The following ADGB variants were observed in gnomAD, a reference collection of about 807,000 sequenced individuals.
The protein encoded by ADGB is androglobin, also known as calpain-7-like protein.
A neutral mutation model predicts 210.5 loss-of-function variants in ADGB; 172 were observed. That is an observed-to-expected ratio of 0.82 (90% CI 0.72 to 0.93). ADGB has a LOEUF of 0.93. ADGB is among the 40% of genes least tolerant of loss of function. The pLI is 0.00. For missense variants in ADGB, 2,025 were observed against 1,964.8 expected, an observed-to-expected ratio of 1.03 and a Z score of -0.58; for synonymous variants, 658 against 662.7, an observed-to-expected ratio of 0.99 and a Z score of 0.11.
chr6:146,648,523 C>A (rs1775654043), intron 3 of ADGB, among the ~76,000 whole-genome samples: 1 of 152,028 alleles, frequency 6.6e-6, no homozygotes, highest in Admixed American at 6.6e-5. Flanking sequence ...GCAAGCACTT[C>A]TTCACATGGT....
intron 12 of ADGB, among the ~76,000 whole-genome samples, chr6:146,693,245 G>T (rs780209852): frequency 6.6e-6 from 1 of 152,134 alleles, no homozygotes; most frequent in Non-Finnish European, 1.5e-5. Context: ...CAATTAAGGT[G>T]AAATGAGTGA....
intron 33 of ADGB, among the ~76,000 whole-genome samples, chr6:146,798,035 A>T (rs1193830059): frequency 6.6e-6 from 1 of 152,098 alleles, no homozygotes; most frequent in Non-Finnish European, 1.5e-5. Context: ...AAAAAATTTT[A>T]ATGAGACAGA....
At chr6:146,634,892 TC>T (rs1775388899) in intron 1 of ADGB, among the ~76,000 whole-genome samples, 1 of 152,006 alleles carries the variant, frequency 6.6e-6, no homozygotes, top group Admixed American at 6.6e-5. Context: ...TCTTATACAA[TC>T]CTTAAATTAG....
At chr6:146,754,384 A>G (rs1777371797) in intron 27 of ADGB, among the ~76,000 whole-genome samples, 1 of 151,620 alleles carries the variant, frequency 6.6e-6, no homozygotes, top group Non-Finnish European at 1.5e-5. Flanking sequence ...CTTTGTCAAT[A>G]TTTATATTTA....
intron 2 of ADGB, among the ~76,000 whole-genome samples, chr6:146,643,972 A>C (rs760776224): frequency 6.6e-6 from 1 of 151,946 alleles, no homozygotes; most frequent in Admixed American, 6.6e-5. Context: ...TGAATGTTAT[A>C]TAGACATTCA....
At chr6:146,752,970 AT>A (rs1443481881) in intron 27 of ADGB, among the ~76,000 whole-genome samples, 23 of 152,048 alleles carry the variant, frequency 1.5e-4, no homozygotes, top group Non-Finnish European at 3.4e-4. Flanking sequence ...AAGAAGTCAA[AT>A]TTTTATTATT....
chr6:146,692,131 T>A (rs568727844), intron 11 of ADGB, among the ~76,000 whole-genome samples: 2 of 152,314 alleles, frequency 1.3e-5, no homozygotes, highest in Admixed American at 6.5e-5. Flanking sequence ...AGTGAACATG[T>A]AGGTAATTTC....
intron 25 of ADGB, among the ~76,000 whole-genome samples, chr6:146,744,789 A>G (rs1777206471): frequency 6.6e-6 from 1 of 152,162 alleles, no homozygotes; most frequent in African/African-American, 2.4e-5. Context: ...CTATAATCCT[A>G]TCACTGATTT....
At chr6:146,778,947 T>C (rs796787556) in intron 29 of ADGB, among the ~76,000 whole-genome samples, 8 of 151,730 alleles carry the variant, frequency 5.3e-5, no homozygotes, top group African/African-American at 1.5e-4. Context: ...TGGAAACTTA[T>C]AAAAGTCTGC....
At chr6:146,689,408 A>T (rs1053011057) in intron 10 of ADGB, among the ~76,000 whole-genome samples, 1 of 152,136 alleles carries the variant, frequency 6.6e-6, no homozygotes, top group Non-Finnish European at 1.5e-5. Flanking sequence ...GAATTGCTGT[A>T]TTTAAATTTC....
intron 33 of ADGB, among the ~76,000 whole-genome samples, chr6:146,793,828 C>T (rs1179911800): frequency 6.6e-6 from 1 of 152,166 alleles, no homozygotes; most frequent in Non-Finnish European, 1.5e-5. Flanking sequence ...AACACTCTTC[C>T]CCTAAGAAGG....
intron 4 of ADGB, among the ~76,000 whole-genome samples, chr6:146,656,073 C>A (rs924614293): frequency 3.9e-5 from 6 of 152,140 alleles, no homozygotes; most frequent in Admixed American, 3.3e-4. Flanking sequence ...TATCTACATT[C>A]TACAATGAAG....
intron 28 of ADGB, among the ~76,000 whole-genome samples, chr6:146,766,468 A>T (rs1313084653): frequency 6.6e-6 from 1 of 151,104 alleles, no homozygotes; most frequent in Non-Finnish European, 1.5e-5. Flanking sequence ...ATTAAATTAA[A>T]TTAAACTAAA....
At position 146,674,142 on chromosome 6, in the gene ADGB, A is replaced by G. The variant is rs201227475; in HGVS notation, c.1087+1675A>G. Reference sequence around the variant, plus strand: ...TGAAAATTTAAATTTCTCAATTACAATTTGTGATATGGAGGTCATTGTGCA... The same window carrying G: ...TGAAAATTTAAATTTCTCAATTACAGTTTGTGATATGGAGGTCATTGTGCA... On this transcript the variant is annotated intron_variant, in intron 8 of 35. Transcript: ENST00000397944. Among the ~76,000 whole-genome samples, 4 of 152,124 alleles carry G rather than the reference A, an allele frequency of 2.6e-5. No homozygotes were observed. The East Asian group carries it at 5.8e-4, about 22-fold the overall frequency.
chr6:146,629,088 A>G (rs530112053), intron 1 of ADGB, among the ~76,000 whole-genome samples: 7 of 152,198 alleles, frequency 4.6e-5, no homozygotes, highest in African/African-American at 1.4e-4. Flanking sequence ...TTATAAAAGT[A>G]TAGGGTTAAA....
chr6:146,600,186 C>T (rs1433271438), intron 1 of ADGB: 1 of 152,104 alleles, frequency 6.6e-6, no homozygotes, highest in Non-Finnish European at 1.5e-5. Context: ...CTTTTACTAG[C>T]TTAAATTTTA....
At chr6:146,664,493 C>A in intron 6 of ADGB, 153 bp downstream of exon 6, 3 of 704,384 alleles carry the variant, frequency 4.3e-6, no homozygotes, top group Non-Finnish European at 6.3e-6. Context: ...TCAAATACGC[C>A]AAAACCACTG....
At chr6:146,716,764 T>A in intron 14 of ADGB, 119 bp from the exon 15 acceptor site, 1 of 886,104 alleles carries the variant, frequency 1.1e-6, no homozygotes, top group Non-Finnish European at 1.7e-6. Flanking sequence ...GCCTGGATTA[T>A]CTCATAAATA....
At chr6:146,614,941 C>T (rs1780772190) in intron 1 of ADGB, among the ~76,000 whole-genome samples, 1 of 152,178 alleles carries the variant, frequency 6.6e-6, no homozygotes, top group South Asian at 2.1e-4. Context: ...CGCTCTGTCG[C>T]CCAGGCTGGA....
Sources: gnomAD v4.1 joint callset for allele counts (sites outside exome capture counted in the v4.1 genomes callset) on GRCh38, gnomAD v4.1.1 for gene constraint, MANE v1.5 for transcripts, NCBI Gene and HGNC (gene_info 2026-07-23, HGNC 2026-07-21) for gene names.